NAV1: variants seen among roughly 807,000 people sequenced by gnomAD.
The protein encoded by NAV1 is neuron navigator 1, also known as pore membrane and/or filament interacting like protein 3.
Under a neutral mutation model 175.2 loss-of-function variants are expected in NAV1, and 18 were observed. That is an observed-to-expected ratio of 0.10 (90% confidence interval 0.07 to 0.15). The LOEUF (loss-of-function observed/expected upper bound fraction) is 0.15. Ranked by LOEUF, NAV1 falls within the 10% of genes least tolerant of loss-of-function variation. The probability of loss-of-function intolerance (pLI) is 1.00; values close to 1 mark genes in which losing one functional copy is unlikely to be tolerated. For synonymous variants in NAV1, 897 were observed against 978.7 expected (o/e 0.92, Z 1.56); for missense variants, 1,731 against 2,436.6 (o/e 0.71, Z 6.10).
chr1:201,587,759 T>A (rs1667077432), intron 1 of NAV1, among the ~76,000 whole-genome samples: 2 of 152,100 alleles, frequency 1.3e-5, no homozygotes, highest in South Asian at 2.1e-4. Flanking sequence ...GGCAAAATAT[T>A]TGAATAGATA....
intron 2 of NAV1, among the ~76,000 whole-genome samples, chr1:201,594,242 G>A (rs532046713): frequency 6.6e-6 from 1 of 152,278 alleles, no homozygotes; most frequent in East Asian, 1.9e-4. Flanking sequence ...CTGGGCTAAG[G>A]GAGTGCATCA....
upstream of NAV1, among the ~76,000 whole-genome samples, chr1:201,647,132 C>A (rs1476459012): frequency 6.6e-6 from 1 of 152,206 alleles, no homozygotes; most frequent in African/African-American, 2.4e-5. Context: ...CAGAGAATTC[C>A]CCTCCACTTT....
chr1:201,753,098 G>A (rs754404141), intron 3 of NAV1, among the ~76,000 whole-genome samples: 8 of 152,144 alleles, frequency 5.3e-5, no homozygotes, highest in African/African-American at 7.2e-5. Context: ...CACCCCCTAA[G>A]CAAAGAAAGC....
chr1:201,820,540 A>T (rs1679322859), exon 30 of NAV1: 1 of 152,700 alleles, frequency 6.5e-6, no homozygotes, highest in Non-Finnish European at 1.5e-5. Flanking sequence ...AATGGAAAAG[A>T]TGAAGCTGGA....
intron 1 of NAV1, 120 bp downstream of exon 3, chr1:201,623,726 C>T (rs757624853): frequency 2.7e-5 from 25 of 942,650 alleles, no homozygotes; most frequent in East Asian, 1.2e-4. Flanking sequence ...GGGCCCCAGG[C>T]GATACAAAAA....
chr1:201,582,761 A>C (rs936082756), intron 1 of NAV1, among the ~76,000 whole-genome samples: 5 of 152,192 alleles, frequency 3.3e-5, no homozygotes, highest in African/African-American at 4.8e-5. Flanking sequence ...GTGGGAGAGC[A>C]CTGGGGACCT....
At chr1:201,805,843 G>A (rs1319593017) in intron 17 of NAV1, among the ~76,000 whole-genome samples, 2 of 152,092 alleles carry the variant, frequency 1.3e-5, no homozygotes, top group East Asian at 3.9e-4. Flanking sequence ...GATAGCTTGA[G>A]CCTGGGAGGT....
intron 1 of NAV1, among the ~76,000 whole-genome samples, chr1:201,549,406 G>C (rs1424392118): frequency 6.6e-6 from 1 of 151,836 alleles, no homozygotes; most frequent in Non-Finnish European, 1.5e-5. Flanking sequence ...AGGGGGTTTT[G>C]CCATGTTGCC....
intron 3 of NAV1, among the ~76,000 whole-genome samples, chr1:201,762,635 A>C (rs1042614122): frequency 1.3e-5 from 2 of 152,244 alleles, no homozygotes; most frequent in African/African-American, 4.8e-5. Flanking sequence ...AGTAGTTGTG[A>C]CAGAGACTTT....
At position 201,710,539 on chromosome 1, in the gene NAV1, C is replaced by T. The variant is rs539991595; in HGVS notation, c.758-2278C>T. Among the ~76,000 whole-genome samples the T allele has an allele frequency of 4.7e-4, 72 of 152,342 alleles. 1 individual carries two copies. The highest frequency in any genetic ancestry group is 3.7e-3 in the South Asian group (18 of 4,828). On this transcript the variant is annotated intron_variant, in intron 1 of 29. Coordinates refer to ENST00000367296, the Ensembl canonical transcript of NAV1. ...CTGGCCTGAAGCGATCCTCTGGCCT[C>T]GGTCTCCCACAGTGCTGGGATTATA...
At chr1:201,602,588 A>G (rs1340747395) in intron 2 of NAV1, among the ~76,000 whole-genome samples, 1 of 151,216 alleles carries the variant, frequency 6.6e-6, no homozygotes, top group Non-Finnish European at 1.5e-5. Context: ...TCAGCCTCCC[A>G]AAGTGCTGGG....
intron 2 of NAV1, among the ~76,000 whole-genome samples, chr1:201,642,771 C>A (rs567144494): frequency 7.4e-6 from 1 of 136,016 alleles, no homozygotes; most frequent in African/African-American, 2.8e-5. Context: ...TTTCTTTTCT[C>A]TTCTCTTTTC....
intron 1 of NAV1, among the ~76,000 whole-genome samples, chr1:201,623,812 G>A (rs139745047): frequency 2.0e-5 from 3 of 152,318 alleles, no homozygotes; most frequent in East Asian, 3.9e-4. Flanking sequence ...AAAAGGGGAC[G>A]CTGACTGAAG....
chr1:201,631,178 GC>G (rs1668471507), intron 2 of NAV1, among the ~76,000 whole-genome samples: 1 of 152,222 alleles, frequency 6.6e-6, no homozygotes, highest in Admixed American at 6.5e-5. Context: ...TCACTGCACT[GC>G]CTCTGCTCTG....
chr1:201,726,735 G>A (rs1170520622), intron 3 of NAV1, among the ~76,000 whole-genome samples: 1 of 152,054 alleles, frequency 6.6e-6, no homozygotes, highest in Non-Finnish European at 1.5e-5. Flanking sequence ...GCCTTAATTA[G>A]GGGTGGCTAG....
At chr1:201,780,645 C>A in intron 4 of NAV1, 86 bp downstream of exon 8, 1 of 1,539,510 alleles carries the variant, frequency 6.5e-7, no homozygotes, top group Non-Finnish European at 8.9e-7. Context: ...GTTGCACGTA[C>A]ACACCCACTC....
chr1:201,821,984 G>A (rs1470541383), exon 30 of NAV1: 5 of 152,732 alleles, frequency 3.3e-5, no homozygotes, highest in Non-Finnish European at 7.3e-5. Flanking sequence ...CCACCCAACC[G>A]AGGAGTAGAT....
chr1:201,726,286 A>C (rs879075821), intron 3 of NAV1, among the ~76,000 whole-genome samples: 3 of 152,224 alleles, frequency 2.0e-5, no homozygotes, highest in Admixed American at 1.3e-4. Context: ...TTTTGCCTTA[A>C]GAGGATCAAA....
At chr1:201,784,440 G>C (rs573891026) in intron 7 of NAV1, among the ~76,000 whole-genome samples, 12 of 152,258 alleles carry the variant, frequency 7.9e-5, no homozygotes, top group Middle Eastern at 3.4e-3. Flanking sequence ...TTACAGGCAT[G>C]AGCCACCACA....
Sources: gnomAD v4.1 joint callset for allele counts (sites outside exome capture counted in the v4.1 genomes callset) on GRCh38, gnomAD v4.1.1 for gene constraint, MANE v1.5 for transcripts, NCBI Gene and HGNC (gene_info 2026-07-23, HGNC 2026-07-21) for gene names.